CNTN4: variants seen among roughly 807,000 people sequenced by gnomAD.
CNTN4 encodes the protein contactin 4.
Under a neutral mutation model 122.5 loss-of-function variants are expected in CNTN4, and 77 were observed. The ratio of observed to expected loss-of-function variants is 0.63; its 90% CI spans 0.52 to 0.76. The LOEUF is 0.76. Among genes scored for constraint, CNTN4 ranks in the 30% least tolerant of loss-of-function variants. CNTN4 has a pLI of 0.00. For missense variants in CNTN4, 1,256 were observed against 1,259.1 expected, an observed-to-expected ratio of 1.00 and a Z score of 0.04; for synonymous variants, 512 against 447.0, an observed-to-expected ratio of 1.15 and a Z score of -1.83.
chr3:3,008,302 A>G (rs983512219), intron 14 of CNTN4, among the ~76,000 whole-genome samples: 1 of 152,198 alleles, frequency 6.6e-6, no homozygotes, highest in African/African-American at 2.4e-5. Flanking sequence ...CCATTCTCCT[A>G]AATGAGCGTT....
chr3:2,393,094 A>G (rs1239286544), intron 3 of CNTN4, among the ~76,000 whole-genome samples: 1 of 152,080 alleles, frequency 6.6e-6, no homozygotes, highest in Non-Finnish European at 1.5e-5. Flanking sequence ...GTTCCATCCT[A>G]TTCTTCTACC....
At chr3:2,495,491 T>A (rs1289404613) in intron 3 of CNTN4, among the ~76,000 whole-genome samples, 1 of 152,196 alleles carries the variant, frequency 6.6e-6, no homozygotes, top group Non-Finnish European at 1.5e-5. Context: ...TGGCTCTTGT[T>A]TGGTCCCCAA....
intron 4 of CNTN4, among the ~76,000 whole-genome samples, chr3:2,641,840 A>G (rs1480804095): frequency 2.6e-5 from 4 of 152,204 alleles, no homozygotes; most frequent in Admixed American, 6.5e-5. Context: ...GACAGATGCA[A>G]CTTTTAAAAC....
At chr3:2,738,653 A>G (rs2089281410) in intron 5 of CNTN4, among the ~76,000 whole-genome samples, 1 of 152,240 alleles carries the variant, frequency 6.6e-6, no homozygotes, top group African/African-American at 2.4e-5. Context: ...GTTAAAATTC[A>G]TGACAACATT....
chr3:2,633,214 G>T (rs1480952081), intron 4 of CNTN4, among the ~76,000 whole-genome samples: 1 of 152,114 alleles, frequency 6.6e-6, no homozygotes, highest in Non-Finnish European at 1.5e-5. Flanking sequence ...GGCTACAACA[G>T]CTGGGAGCAC....
At chr3:2,224,024 C>T (rs1351882533) in intron 2 of CNTN4, among the ~76,000 whole-genome samples, 5 of 152,088 alleles carry the variant, frequency 3.3e-5, no homozygotes, top group Non-Finnish European at 7.4e-5. Flanking sequence ...TCTTCTTATG[C>T]AGATAAATGT....
intron 2 of CNTN4, among the ~76,000 whole-genome samples, chr3:2,270,506 G>A (rs2041249958): frequency 6.6e-6 from 1 of 152,096 alleles, no homozygotes; most frequent in Admixed American, 6.6e-5. Context: ...TTGGCTTTAA[G>A]TGTGGGAATG....
At chr3:2,392,945 A>G (rs1165929314) in intron 3 of CNTN4, among the ~76,000 whole-genome samples, 1 of 152,132 alleles carries the variant, frequency 6.6e-6, no homozygotes, top group African/African-American at 2.4e-5. Context: ...CCATTATATT[A>G]GTTTCTTAGG....
At chr3:2,521,343 T>TCGGGCCCCCC (rs781282977) in intron 3 of CNTN4, among the ~76,000 whole-genome samples, 3 of 128,366 alleles carry the variant, frequency 2.3e-5, no homozygotes, top group African/African-American at 3.1e-5. Flanking sequence ...CCTCTACCCA[T>TCGGGCCCCCC]CCCCCCCACC....
chr3:2,297,313 A>T (rs1266165499), intron 2 of CNTN4, among the ~76,000 whole-genome samples: 2 of 152,238 alleles, frequency 1.3e-5, no homozygotes, highest in Admixed American at 1.3e-4. Flanking sequence ...TTTTCATCAG[A>T]AGGAAATCAT....
chr3:2,135,823 A>T (rs1239372552), intron 2 of CNTN4, among the ~76,000 whole-genome samples: 1 of 152,226 alleles, frequency 6.6e-6, no homozygotes, highest in Non-Finnish European at 1.5e-5. Flanking sequence ...CCTGGTCTAC[A>T]GCGAATTGGA....
At chr3:2,609,915 T>C (rs2149813831) in intron 4 of CNTN4, among the ~76,000 whole-genome samples, 1 of 152,328 alleles carries the variant, frequency 6.6e-6, no homozygotes, top group South Asian at 2.1e-4. Context: ...AGCATAAAAC[T>C]TTATTTTCTT....
chr3:2,485,299 G>A (rs185836345), intron 3 of CNTN4, among the ~76,000 whole-genome samples: 13 of 152,348 alleles, frequency 8.5e-5, no homozygotes, highest in South Asian at 8.3e-4. Context: ...GGGCGGGCAC[G>A]CGGTGGCACG....
chr3:2,774,365 C>T (rs2091229243), intron 6 of CNTN4, among the ~76,000 whole-genome samples: 1 of 152,140 alleles, frequency 6.6e-6, no homozygotes. Context: ...ATCAACCTAC[C>T]TTTCCTACCG....
intron 3 of CNTN4, among the ~76,000 whole-genome samples, chr3:2,439,665 T>G (rs2151273307): frequency 6.6e-6 from 1 of 152,168 alleles, no homozygotes; most frequent in Admixed American, 6.6e-5. Flanking sequence ...TGTCTGTATC[T>G]GATTCTAAAA....
At chr3:2,716,342 T>A (rs922401874) in intron 4 of CNTN4, among the ~76,000 whole-genome samples, 6 of 151,198 alleles carry the variant, frequency 4.0e-5, no homozygotes, top group Admixed American at 2.0e-4. Context: ...CTAATATTAT[T>A]ATATTATTAT....
At chr3:2,698,224 G>A (rs1244608927) in intron 4 of CNTN4, among the ~76,000 whole-genome samples, 5 of 152,126 alleles carry the variant, frequency 3.3e-5, no homozygotes, top group African/African-American at 9.7e-5. Context: ...TTACTATTTT[G>A]TAAATAAGGA....
At chr3:2,152,074 G>A (rs1402485703) in intron 2 of CNTN4, among the ~76,000 whole-genome samples, 3 of 152,180 alleles carry the variant, frequency 2.0e-5, no homozygotes, top group Non-Finnish European at 4.4e-5. Context: ...GGGCTACAGT[G>A]TAAAACACTG....
intron 2 of CNTN4, among the ~76,000 whole-genome samples, chr3:2,288,453 C>T (rs189069731): frequency 1.6e-4 from 25 of 152,240 alleles, no homozygotes; most frequent in African/African-American, 5.8e-4. Context: ...GAAAATGGCA[C>T]TAAGCCATTT....
Sources: gnomAD v4.1 joint callset for allele counts (sites outside exome capture counted in the v4.1 genomes callset) on GRCh38, gnomAD v4.1.1 for gene constraint, MANE v1.5 for transcripts, NCBI Gene and HGNC (gene_info 2026-07-23, HGNC 2026-07-21) for gene names.